SOWAHA: variants seen among roughly 807,000 people sequenced by gnomAD.
SOWAHA encodes ankyrin repeat domain-containing protein SOWAHA.
A neutral mutation model predicts 21.1 loss-of-function variants in SOWAHA; 17 were observed. The observed-to-expected ratio is 0.80, with a 90% CI of 0.55 to 1.21. SOWAHA has a LOEUF of 1.21. Among genes scored for constraint, SOWAHA ranks in the 50% most tolerant of loss-of-function variants. The pLI, the probability that SOWAHA is intolerant of heterozygous loss-of-function variation, is 0.00. For synonymous variants in SOWAHA, 422 were observed against 397.1 expected (o/e 1.06, Z -0.75); for missense variants, 862 against 816.0 (o/e 1.06, Z -0.69).
rs747344789 is a variant in SOWAHA at position 132,814,418 on chromosome 5, T to C, written c.797T>C (p.Leu266Pro). 12 of 1,484,928 alleles carry C rather than the reference T, an allele frequency of 8.1e-6. No individual in the cohort carries two copies. Among genetic ancestry groups the C allele is most frequent in the Admixed American group, 4.6e-5 (2 of 43,528 alleles). 92.0% of individuals were successfully genotyped at this position (1,484,928 alleles called of 1,614,324 possible). A position where few individuals can be genotyped will look rare whatever the true frequency, so the allele number is the denominator to read the frequency against. The change falls in exon 1 of 1, where the codon CTG becomes CCG. Residue 266 changes from leucine (L) to proline (P), a missense_variant. Physicochemically the swap from Leu to Pro is moderately conservative, Grantham distance 98 (BLOSUM62 -3). Transcript: ENST00000378693. ...CGGCTCTCGGTGGAAGAGTCCGGTC[T>C]GGGCCTCGGCCTGGGCCCGGGCCGC... ...LRRLSVEESG[L>P]GLGLGPGRSP... is the part of the protein sequence containing the mutation.
chr5:132,814,646 A>C lies in SOWAHA; in HGVS notation c.1025A>C (p.Asp342Ala). 1 of 1,522,940 alleles carries C rather than the reference A, an allele frequency of 6.6e-7. No individual in the cohort carries two copies. Among genetic ancestry groups the C allele is most frequent in the Non-Finnish European group, 8.8e-7 (1 of 1,142,266 alleles). 94.3% of individuals were successfully genotyped at this position (1,522,940 alleles called of 1,614,324 possible). ...LRDRGLAAKR[D>A]FMSGFTALHW... Reference sequence around the variant, plus strand: ...GACCGCGGCTTGGCGGCCAAGCGCGACTTCATGTCTGGCTTCACGGCCCTG... The same window carrying C: ...GACCGCGGCTTGGCGGCCAAGCGCGCCTTCATGTCTGGCTTCACGGCCCTG... The change falls in exon 1 of 1, where the codon GAC becomes GCC. Residue 342 changes from aspartate to alanine, a missense_variant. By Grantham distance (126) the Asp-to-Ala change is moderately radical. Coordinates refer to ENST00000378693, the MANE Select transcript of SOWAHA (RefSeq NM_175873.6).
Position 132,813,684 on chromosome 5 carries a change from C to T in SOWAHA, c.63C>T (p.Gly21=). Residue 21 remains glycine, a synonymous_variant, in exon 1 of 1, where the codon GGC becomes GGT. Transcript: ENST00000378693. The part of the protein sequence containing the change: ...AAGVSQAAVL[G]FLQEHGGKVR... ...GGGTGAGCCAGGCGGCGGTGCTGGG[C>T]TTCCTGCAGGAGCACGGCGGGAAGG... 2 of 1,521,050 alleles carry T rather than the reference C, an allele frequency of 1.3e-6. No homozygotes were observed. The highest frequency in any genetic ancestry group is 1.8e-6 in the Non-Finnish European group (2 of 1,135,070). The allele number at this position is 1,521,050 out of a possible 1,614,324, so 94.2% of individuals were successfully genotyped here. A position where few individuals can be genotyped will look rare whatever the true frequency, so the allele number is the denominator to read the frequency against.
rs762940623 is a variant in SOWAHA at position 132,815,225 on chromosome 5, CG to C, written c.1608del (p.Pro537LeufsTer2). On this transcript the variant is annotated frameshift_variant, in exon 1 of 1. Coordinates refer to ENST00000378693, the MANE Select transcript of SOWAHA (RefSeq NM_175873.6). LOFTEE classifies it high-confidence loss of function. ...TCAGAAATCTCTCGTCGACCTACTC[CG>C]GGGCCTTTAGCTGGTCTAGTGCCCA... Reference protein sequence around the residue: ...AFSEISRRPTPGPLAGLVPSL... With the variant: ...AFSEISRRPTXGPLAGLVPSL... 1.2e-6 allele frequency: 2 copies of C among 1,613,540 alleles called. No individual in the cohort carries two copies. Among genetic ancestry groups the C allele is most frequent in the Non-Finnish European group, 1.7e-6 (2 of 1,179,974 alleles).
Position 132,813,882 on chromosome 5 carries a change from G to A in SOWAHA, c.261G>A (p.Glu87=), listed in dbSNP as rs1302609046. ...TGAGGAAGAAGCCCCGGCCCCCGGA[G>A]CCCGAGCCCGCACCCTTCGGCCCCC... ...VVLRKKPRPP[E]PEPAPFGPPG... is the part of the protein sequence containing the mutation. Residue 87 remains glutamate (E), a synonymous_variant, in exon 1 of 1, where the codon GAG becomes GAA. Coordinates refer to ENST00000378693, the MANE Select transcript of SOWAHA (RefSeq NM_175873.6). 1 of 1,548,200 alleles carries A rather than the reference G, an allele frequency of 6.5e-7. No homozygotes were observed. Among genetic ancestry groups the A allele is most frequent in the African/African-American group, 1.4e-5 (1 of 72,758 alleles).
chr5:132,813,630 G>GGCCGCCGCCGCCGCCGCCGCC lies in SOWAHA; in HGVS notation c.26_27insCGCCGCCGCCGCCGCCGCCGC (p.Ala6_Ala12dup). On this transcript the variant is annotated inframe_insertion, in exon 1 of 1. Coordinates refer to ENST00000378693, the MANE Select transcript of SOWAHA (RefSeq NM_175873.6). Reference sequence around the variant, plus strand: ...GAACCCAGGGCCCCACCATGGCGCTGGCCGCCGCCGCCGCCGCTGCGGCTG... The same window carrying GGCCGCCGCCGCCGCCGCCGCC: ...GAACCCAGGGCCCCACCATGGCGCTGGCCGCCGCCGCCGCCGCCGCCGCCGCCGCCGCCGCCGCTGCGGCTG... The GGCCGCCGCCGCCGCCGCCGCC allele has an allele frequency of 3.7e-6, 5 of 1,349,464 alleles. No homozygotes were observed. The highest frequency in any genetic ancestry group is 4.7e-6 in the Non-Finnish European group (5 of 1,054,486). The allele number at this position is 1,349,464 out of a possible 1,614,324, so 83.6% of individuals were successfully genotyped here.
chr5:132,814,585 C>G lies in SOWAHA; in HGVS notation c.964C>G (p.Arg322Gly), dbSNP rs1561443144. The change falls in exon 1 of 1, where the codon CGC (arginine) becomes GGC (glycine). Residue 322 changes from arginine (R) to glycine (G), a missense_variant. Coordinates refer to ENST00000378693, the MANE Select transcript of SOWAHA (RefSeq NM_175873.6). ...GTGGCTCGTGCGGACTGCCGGGGGC[C>G]GCTGGACCCACCAGCTGCACGGGCT... Reference protein sequence around the residue: ...HEWLVRTAGGRWTHQLHGLLL... With the variant: ...HEWLVRTAGGGWTHQLHGLLL... 3 of 1,490,350 alleles carry G rather than the reference C, an allele frequency of 2.0e-6. No individual in the cohort carries two copies. Among genetic ancestry groups the G allele is most frequent in the African/African-American group, 2.9e-5 (2 of 69,052 alleles). The allele number at this position is 1,490,350 out of a possible 1,614,324, so 92.3% of individuals were successfully genotyped here.
Position 132,815,148 on chromosome 5 carries a change from G to A in SOWAHA, c.1527G>A (p.Ser509=), listed in dbSNP as rs1023840661. Residue 509 remains serine (S), a synonymous_variant, in exon 1 of 1, where the codon TCG becomes TCA. Coordinates refer to ENST00000378693, the MANE Select transcript of SOWAHA (RefSeq NM_175873.6). The stretch of plus-strand genomic sequence containing the variant: ...CCTTCAGCAAGTTCTTGAGCGCCTC[G>A]CCCATGGCTCCACGTAAAAAGACAA... ...SSSFSKFLSA[S]PMAPRKKTKI... 4 of 1,613,874 alleles carry A rather than the reference G, an allele frequency of 2.5e-6. No homozygotes were observed. The highest frequency in any genetic ancestry group is 2.2e-5 in the East Asian group (1 of 44,888).
chr5:132,814,500 CGAG>C lies in SOWAHA; in HGVS notation c.883_885del (p.Glu295del). ...GCCCGCGTCTGCTGAGCCCTGACGCCGAGGAGTTGCCCGCCGCGCCGCCGCCGT... is the reference window on the plus strand; with the variant it reads ...GCCCGCGTCTGCTGAGCCCTGACGCCGAGTTGCCCGCCGCGCCGCCGCCGT... On this transcript the variant is annotated inframe_deletion, in exon 1 of 1. Coordinates refer to ENST00000378693, the MANE Select transcript of SOWAHA (RefSeq NM_175873.6). The C allele has an allele frequency of 5.0e-6, 7 of 1,392,654 alleles. No individual in the cohort carries two copies. Among genetic ancestry groups the C allele is most frequent in the Non-Finnish European group, 6.5e-6 (7 of 1,083,152 alleles). The allele number at this position is 1,392,654 out of a possible 1,614,324, so 86.3% of individuals were successfully genotyped here.
rs2150022337 is a variant in SOWAHA, at chr5:132,815,385, G to T, written c.*114G>T. ...GGAGCCTCATTCTGTTTCCAGCTTTGTCCAGGGCAGCCTGTTTTACCCAGA... is the reference window on the plus strand; with the variant it reads ...GGAGCCTCATTCTGTTTCCAGCTTTTTCCAGGGCAGCCTGTTTTACCCAGA... On this transcript the variant is annotated 3_prime_UTR_variant, in exon 1 of 1. Coordinates refer to ENST00000378693, the MANE Select transcript of SOWAHA (RefSeq NM_175873.6). The T allele has an allele frequency of 4.1e-6, 4 of 985,786 alleles. No individual in the cohort carries two copies. In the Admixed American group the frequency reaches 1.1e-4, roughly 28 times the overall value. The allele number at this position is 985,786 out of a possible 1,614,324, so 61.1% of individuals were successfully genotyped here. A position where few individuals can be genotyped will look rare whatever the true frequency, so the allele number is the denominator to read the frequency against.
Position 132,813,696 on chromosome 5 carries a change from G to A in SOWAHA, c.75G>A (p.Glu25=), listed in dbSNP as rs777874073. 18 of 1,531,672 alleles carry A rather than the reference G, an allele frequency of 1.2e-5. No homozygotes were observed. In the East Asian group the frequency reaches 4.7e-4, roughly 40 times the overall value. 94.9% of individuals were successfully genotyped at this position (1,531,672 alleles called of 1,614,324 possible). A position where few individuals can be genotyped will look rare whatever the true frequency, so the allele number is the denominator to read the frequency against. Residue 25 remains glutamate, a synonymous_variant, in exon 1 of 1, where the codon GAG becomes GAA. Transcript: ENST00000378693. The part of the protein sequence containing the change: ...SQAAVLGFLQ[E]HGGKVRNSEL... ...CGGCGGTGCTGGGCTTCCTGCAGGA[G>A]CACGGCGGGAAGGTGCGCAACTCCG...
Position 132,813,651 on chromosome 5 carries a change from G to T in SOWAHA, c.30G>T (p.Ala10=). The change falls in exon 1 of 1, where the codon GCG becomes GCT. Residue 10 remains alanine (A), a synonymous_variant. Transcript: ENST00000378693. ...CGCTGGCCGCCGCCGCCGCCGCTGC[G>T]GCTGCCGGGGTGAGCCAGGCGGCGG... MALAAAAAA[A]AAGVSQAAVL... is the part of the protein sequence containing the mutation. 1 of 1,326,182 alleles carries T rather than the reference G, an allele frequency of 7.5e-7. No individual in the cohort carries two copies. Among genetic ancestry groups the T allele is most frequent in the Non-Finnish European group, 9.8e-7 (1 of 1,020,536 alleles). The allele number at this position is 1,326,182 out of a possible 1,614,324, so 82.2% of individuals were successfully genotyped here. A position where few individuals can be genotyped will look rare whatever the true frequency, so the allele number is the denominator to read the frequency against.
chr5:132,814,077 C>T lies in SOWAHA; in HGVS notation c.456C>T (p.Pro152=). 1 of 1,582,086 alleles carries T rather than the reference C, an allele frequency of 6.3e-7. No individual in the cohort carries two copies. Among genetic ancestry groups the T allele is most frequent in the Non-Finnish European group, 8.5e-7 (1 of 1,170,264 alleles). ...CCCCGGGGGGGCCGGCCTCCGAGCC[C>T]GCTCAGCCGCCCGGGGAGCGGTCCG... ...QDTPGGPASE[P]AQPPGERSAD... Residue 152 remains proline, a synonymous_variant, in exon 1 of 1, where the codon CCC becomes CCT. Coordinates refer to ENST00000378693, the MANE Select transcript of SOWAHA (RefSeq NM_175873.6).
At position 132,814,578 on chromosome 5, in the gene SOWAHA, C is replaced by T. The variant is rs1581222641; in HGVS notation, c.957C>T (p.Ala319=). Residue 319 remains alanine, a synonymous_variant, in exon 1 of 1, where the codon GCC becomes GCT. Transcript: ENST00000378693. ...PSEHEWLVRT[A]GGRWTHQLHG... ...AGCACGAGTGGCTCGTGCGGACTGC[C>T]GGGGGCCGCTGGACCCACCAGCTGC... The T allele has an allele frequency of 6.8e-7, 1 of 1,466,324 alleles. No homozygotes were observed. Among genetic ancestry groups the T allele is most frequent in the Non-Finnish European group, 9.0e-7 (1 of 1,116,566 alleles). The allele number at this position is 1,466,324 out of a possible 1,614,324, so 90.8% of individuals were successfully genotyped here. A position where few individuals can be genotyped will look rare whatever the true frequency, so the allele number is the denominator to read the frequency against.
rs1482422464 is a variant in SOWAHA, at chr5:132,813,783, C to T, written c.162C>T (p.Arg54=). The part of the protein sequence containing the change: ...DAGDPRGRAA[R]RDRFKQFVNN... ...GCGACCCGCGGGGCCGCGCCGCCCG[C>T]AGGGACCGCTTCAAGCAGTTCGTCA... The change falls in exon 1 of 1, where the codon CGC becomes CGT. Residue 54 remains arginine (R), a synonymous_variant. Transcript: ENST00000378693. 1 of 1,548,330 alleles carries T rather than the reference C, an allele frequency of 6.5e-7. No homozygotes were observed. The highest frequency in any genetic ancestry group is 1.2e-5 in the South Asian group (1 of 83,996).
Position 132,816,776 on chromosome 5 carries a change from C to T in SOWAHA, c.*1505C>T, listed in dbSNP as rs971284505. 12 of 166,484 alleles carry T rather than the reference C, an allele frequency of 7.2e-5. No individual in the cohort carries two copies. The highest frequency in any genetic ancestry group is 1.3e-4 in the Non-Finnish European group (9 of 68,108). The allele number at this position is 166,484 out of a possible 1,614,324, so 10.3% of individuals were successfully genotyped here. A position where few individuals can be genotyped will look rare whatever the true frequency, so the allele number is the denominator to read the frequency against. Reference sequence around the variant, plus strand: ...TTGATTGAGCAATGAAATAAACAGTCCTCCATTTTGTTTCTGCTTGAGTGG... The same window carrying T: ...TTGATTGAGCAATGAAATAAACAGTTCTCCATTTTGTTTCTGCTTGAGTGG... On this transcript the variant is annotated 3_prime_UTR_variant, in exon 1 of 1. Transcript: ENST00000378693.
rs1234225328 is a variant in SOWAHA at position 132,813,774 on chromosome 5, C to T, written c.153C>T (p.Arg51=). The T allele has an allele frequency of 6.5e-7, 1 of 1,548,054 alleles. No homozygotes were observed. Among genetic ancestry groups the T allele is most frequent in the Non-Finnish European group, 8.7e-7 (1 of 1,145,864 alleles). Residue 51 remains arginine, a synonymous_variant, in exon 1 of 1, where the codon CGC becomes CGT. Coordinates refer to ENST00000378693, the MANE Select transcript of SOWAHA (RefSeq NM_175873.6). The part of the protein sequence containing the change: ...PLLDAGDPRG[R]AARRDRFKQF... ...TCGATGCCGGCGACCCGCGGGGCCGCGCCGCCCGCAGGGACCGCTTCAAGC... is the reference window on the plus strand; with the variant it reads ...TCGATGCCGGCGACCCGCGGGGCCGTGCCGCCCGCAGGGACCGCTTCAAGC...
Position 132,813,640 on chromosome 5 carries a change from G to GCCGCCGCCA in SOWAHA, c.26_27insCACCGCCGC (p.Ala9_Ala10insThrAlaAla). 7.3e-7 allele frequency: 1 copy of GCCGCCGCCA among 1,375,534 alleles called. No individual in the cohort carries two copies. The highest frequency in any genetic ancestry group is 9.3e-7 in the Non-Finnish European group (1 of 1,070,040). 85.2% of individuals were successfully genotyped at this position (1,375,534 alleles called of 1,614,324 possible). On this transcript the variant is annotated inframe_insertion, in exon 1 of 1. Transcript: ENST00000378693. ...CCCCACCATGGCGCTGGCCGCCGCC[G>GCCGCCGCCA]CCGCCGCTGCGGCTGCCGGGGTGAG...
chr5:132,815,045 C>A lies in SOWAHA; in HGVS notation c.1424C>A (p.Thr475Asn). 1.2e-6 allele frequency: 2 copies of A among 1,608,794 alleles called. No individual in the cohort carries two copies. The highest frequency in any genetic ancestry group is 1.7e-6 in the Non-Finnish European group (2 of 1,177,054). Residue 475 changes from threonine (T) to asparagine (N), a missense_variant, in exon 1 of 1, where the codon ACC (threonine) becomes AAC (asparagine). Thr to Asn is a moderately conservative substitution (Grantham distance 65). Coordinates refer to ENST00000378693, the MANE Select transcript of SOWAHA (RefSeq NM_175873.6). ...VQVAATILSS[T>N]TSAFLGVLAD... ...GTGGCCGCCACCATCCTCAGTTCCA[C>A]CACCAGTGCATTTCTGGGCGTCCTG...
chr5:132,813,566 T>TCCCGCGGCGACGCGGCGCCCACCCGC lies in SOWAHA; in HGVS notation c.-51_-26dup. ...CCTCCCGGAACCCCGCTCCCGCGCG[T>TCCCGCGGCGACGCGGCGCCCACCCGC]CCCGCGGCGACGCGGCGCCCACCCG... On this transcript the variant is annotated 5_prime_UTR_variant, in exon 1 of 1. Transcript: ENST00000378693. 1 of 1,129,064 alleles carries TCCCGCGGCGACGCGGCGCCCACCCGC rather than the reference T, an allele frequency of 8.9e-7. No homozygotes were observed. Among genetic ancestry groups the TCCCGCGGCGACGCGGCGCCCACCCGC allele is most frequent in the Non-Finnish European group, 1.1e-6 (1 of 915,314 alleles). The allele number at this position is 1,129,064 out of a possible 1,614,324, so 69.9% of individuals were successfully genotyped here.
Sources: allele counts gnomAD v4.1 joint callset, GRCh38; gene constraint gnomAD v4.1.1; transcripts MANE v1.5; gene names NCBI Gene and HGNC (gene_info 2026-07-23, HGNC 2026-07-21).